The following STK32B variants were observed in gnomAD, a reference collection of about 807,000 sequenced individuals.
STK32B encodes serine/threonine kinase 32B.
In STK32B, 43 loss-of-function variants were observed where a neutral mutation model predicts 52.6. The ratio of observed to expected loss-of-function variants is 0.82; its 90% CI spans 0.64 to 1.05. STK32B has a LOEUF of 1.05. STK32B is among the 50% of genes least tolerant of loss of function. The pLI is 0.00. For synonymous variants in STK32B, 238 were observed against 204.3 expected (o/e 1.17, Z -1.41); for missense variants, 621 against 534.6 (o/e 1.16, Z -1.59).
intron 3 of STK32B, among the ~76,000 whole-genome samples, chr4:5,232,784 C>T (rs1051600257): frequency 6.6e-5 from 10 of 152,172 alleles, no homozygotes; most frequent in Non-Finnish European, 4.4e-5. Flanking sequence ...GTCCACTCTA[C>T]ACCTGCTTCC....
At chr4:5,262,624 CAA>C (rs746798812) in intron 3 of STK32B, among the ~76,000 whole-genome samples, 28 of 79,390 alleles carry the variant, frequency 3.5e-4, no homozygotes, top group African/African-American at 7.8e-4. Context: ...GACTCCATCT[CAA>C]AAAAAAAAAA....
At position 5,398,744 on chromosome 4, in the gene STK32B, C is replaced by G. The variant is rs1737087909; in HGVS notation, c.472+500C>G. 6.6e-6 allele frequency among the ~76,000 whole-genome samples: 1 copy of G among 152,192 alleles called. No homozygotes were observed. The highest frequency in any genetic ancestry group is 1.5e-5 in the Non-Finnish European group (1 of 68,038). On this transcript the variant is annotated intron_variant, in intron 5 of 11. Transcript: ENST00000282908. This position sits in a 1 kb window ranked among gnomAD's most constrained non-coding sequence, Gnocchi z 4.9. ...CATCTATCGGCTATGTCAGGCTTCT[C>G]AAAATTTCCTTTATGTGCACACAGA...
intron 3 of STK32B, among the ~76,000 whole-genome samples, chr4:5,238,403 A>G (rs1724779888): frequency 6.6e-6 from 1 of 151,896 alleles, no homozygotes; most frequent in African/African-American, 2.4e-5. Flanking sequence ...ATAAGGACAC[A>G]TCTTAGAATC....
chr4:5,376,473 C>T (rs1327504916), intron 4 of STK32B, among the ~76,000 whole-genome samples: 5 of 151,902 alleles, frequency 3.3e-5, no homozygotes, highest in Non-Finnish European at 5.9e-5. Flanking sequence ...CGTCCACCTG[C>T]CAGACAGCAG....
At chr4:5,043,721 C>T in the STK32B span, among the ~76,000 whole-genome samples, 5 of 152,206 alleles carry the variant, frequency 3.3e-5, no homozygotes, top group East Asian at 1.9e-4. Flanking sequence ...CCTACAGGGG[C>T]GGAAGGAGAA....
intron 3 of STK32B, among the ~76,000 whole-genome samples, chr4:5,236,568 A>G (rs1331181560): frequency 6.6e-6 from 1 of 152,170 alleles, no homozygotes; most frequent in East Asian, 1.9e-4. Context: ...TATATAATGC[A>G]ATCATACAGT....
the STK32B span, among the ~76,000 whole-genome samples, chr4:5,042,878 G>A: frequency 6.6e-6 from 1 of 151,540 alleles, no homozygotes; most frequent in East Asian, 1.9e-4. Flanking sequence ...AGGCCGAGGC[G>A]GGTGGATCAT....
At chr4:5,050,565 A>G (rs963480247), upstream of STK32B, among the ~76,000 whole-genome samples, 4 of 152,114 alleles carry the variant, frequency 2.6e-5, no homozygotes, top group Non-Finnish European at 5.9e-5. Context: ...GAGAGTCACA[A>G]AGAACCCCTG....
At chr4:5,144,291 A>T (rs1022601986) in intron 2 of STK32B, among the ~76,000 whole-genome samples, 1 of 152,194 alleles carries the variant, frequency 6.6e-6, no homozygotes, top group African/African-American at 2.4e-5. Flanking sequence ...TCTTCTGCAT[A>T]GGGCTGTTGT....
At chr4:5,075,664 A>G (rs377387133) in intron 1 of STK32B, among the ~76,000 whole-genome samples, 2 of 152,290 alleles carry the variant, frequency 1.3e-5, no homozygotes, top group Admixed American at 1.3e-4. Context: ...TATTATAAAA[A>G]AATTGAAAAA....
chr4:5,205,451 C>G (rs1722490729), intron 3 of STK32B, among the ~76,000 whole-genome samples: 1 of 152,156 alleles, frequency 6.6e-6, no homozygotes, highest in Non-Finnish European at 1.5e-5. Context: ...AAAGACAAGG[C>G]AAGGTCCAGG....
At chr4:5,442,719 G>T (rs1194716919) in intron 6 of STK32B, among the ~76,000 whole-genome samples, 1 of 152,068 alleles carries the variant, frequency 6.6e-6, no homozygotes, top group Non-Finnish European at 1.5e-5. Context: ...TTACATTTTG[G>T]CATGATTTTG....
intron 3 of STK32B, among the ~76,000 whole-genome samples, chr4:5,259,258 A>G (rs1577257892): frequency 6.6e-6 from 1 of 152,216 alleles, no homozygotes; most frequent in African/African-American, 2.4e-5. Flanking sequence ...TGTAAGCTCC[A>G]TGAGGACAGG....
intron 10 of STK32B, 136 bp downstream of exon 10, chr4:5,466,970 T>C (rs1717488943): frequency 8.6e-7 from 1 of 1,169,006 alleles, no homozygotes; most frequent in Non-Finnish European, 1.2e-6. Context: ...GTAAATAAAA[T>C]GCTACTATCA....
the STK32B span, among the ~76,000 whole-genome samples, chr4:5,023,001 A>ATG: frequency 0.041 from 6,194 of 150,066 alleles, 148 homozygotes; most frequent in African/African-American, 0.064. Context: ...GTATGAAGGC[A>ATG]TGTGTGTGTG....
At chr4:5,256,319 G>C (rs1726293642) in intron 3 of STK32B, among the ~76,000 whole-genome samples, 1 of 152,148 alleles carries the variant, frequency 6.6e-6, no homozygotes, top group African/African-American at 2.4e-5. Flanking sequence ...TTTTATCATA[G>C]ACTAAAAACT....
chr4:5,119,851 G>A (rs913507019), intron 1 of STK32B, among the ~76,000 whole-genome samples: 2 of 152,236 alleles, frequency 1.3e-5, no homozygotes, highest in African/African-American at 4.8e-5. Flanking sequence ...ACTCCATTTT[G>A]TAAAAAGTTT....
intron 2 of STK32B, among the ~76,000 whole-genome samples, chr4:5,161,122 T>G (rs1718408404): frequency 6.6e-6 from 1 of 152,184 alleles, no homozygotes; most frequent in Non-Finnish European, 1.5e-5. Context: ...AGTGATGTCC[T>G]CATGGCTGAC....
At chr4:5,359,321 A>G (rs1434130228) in intron 4 of STK32B, among the ~76,000 whole-genome samples, 1 of 151,906 alleles carries the variant, frequency 6.6e-6, no homozygotes, top group African/African-American at 2.4e-5. Context: ...CCACTCACTC[A>G]TCTACCCATC....
Sources: gnomAD v4.1 joint callset for allele counts (sites outside exome capture counted in the v4.1 genomes callset) on GRCh38, gnomAD v4.1.1 for gene constraint, Gnocchi (gnomAD v3.1) non-coding constraint, MANE v1.5 for transcripts, NCBI Gene and HGNC (gene_info 2026-07-23, HGNC 2026-07-21) for gene names.